SLC6A6: variants seen among roughly 807,000 people sequenced by gnomAD.
The protein encoded by SLC6A6 is solute carrier family 6 member 6.
Under a neutral mutation model 68.8 loss-of-function variants are expected in SLC6A6, and 16 were observed. The observed-to-expected ratio is 0.23, with a 90% CI of 0.16 to 0.35. The LOEUF (loss-of-function observed/expected upper bound fraction) is 0.35, where lower values mean the gene tolerates loss of function less well. Among genes scored for constraint, SLC6A6 ranks in the 10% least tolerant of loss-of-function variants. The pLI is 1.00. For synonymous variants in SLC6A6, 312 were observed against 315.4 expected (o/e 0.99, Z 0.12); for missense variants, 474 against 802.8 (o/e 0.59, Z 4.95).
intron 9 of SLC6A6, among the ~76,000 whole-genome samples, chr3:14,470,433 G>A (rs1187813762): frequency 1.3e-5 from 2 of 152,200 alleles, no homozygotes; most frequent in Non-Finnish European, 2.9e-5. Flanking sequence ...GCATCCAGAG[G>A]TTCTCGGAGT....
chr3:14,436,095 A>G (rs1295352162), intron 2 of SLC6A6, among the ~76,000 whole-genome samples: 2 of 152,254 alleles, frequency 1.3e-5, no homozygotes, highest in Admixed American at 6.5e-5. Context: ...TTAAAGGTGT[A>G]CTTTTAAAAT....
chr3:14,477,082 C>A lies in SLC6A6; in HGVS notation c.1210-123C>A. On this transcript the variant is annotated intron_variant, in intron 10 of 14. Coordinates refer to ENST00000622186, the MANE Select transcript of SLC6A6 (RefSeq NM_003043.6). This position sits in a 1 kb window ranked among gnomAD's most constrained non-coding sequence, Gnocchi z 4.2. ...TTGGACTTGATCTCACAGGCCAATTCTGGACACAAGGATGGTCACGTCTGC... is the reference window on the plus strand; with the variant it reads ...TTGGACTTGATCTCACAGGCCAATTATGGACACAAGGATGGTCACGTCTGC... The A allele has an allele frequency of 1.1e-6, 1 of 916,336 alleles. No homozygotes were observed. Among genetic ancestry groups the A allele is most frequent in the Non-Finnish European group, 1.7e-6 (1 of 589,492 alleles). 56.8% of individuals were successfully genotyped at this position (916,336 alleles called of 1,614,324 possible). A position where few individuals can be genotyped will look rare whatever the true frequency, so the allele number is the denominator to read the frequency against.
intron 9 of SLC6A6, among the ~76,000 whole-genome samples, chr3:14,471,286 G>A (rs143168322): frequency 2.0e-5 from 3 of 152,150 alleles, no homozygotes; most frequent in African/African-American, 7.2e-5. Context: ...CTCTGTCTCC[G>A]GAATGTCTCC....
At chr3:14,409,360 C>A (rs533469300) in intron 1 of SLC6A6, among the ~76,000 whole-genome samples, 2 of 152,230 alleles carry the variant, frequency 1.3e-5, no homozygotes, top group African/African-American at 4.8e-5. Context: ...GCCGGCTGAG[C>A]CGATTCAGCA....
chr3:14,441,438 C>G (rs924595347), intron 2 of SLC6A6, among the ~76,000 whole-genome samples: 1 of 152,134 alleles, frequency 6.6e-6, no homozygotes. Flanking sequence ...CGCCCGGCCC[C>G]GAGGGAGCAG....
At chr3:14,482,455 G>A (rs1313776756) in intron 14 of SLC6A6, among the ~76,000 whole-genome samples, 10 of 152,352 alleles carry the variant, frequency 6.6e-5, no homozygotes, top group Non-Finnish European at 5.9e-5. Flanking sequence ...GGAGATCCCA[G>A]GCCCTGGCAA....
chr3:14,433,454 A>G (rs893085), intron 2 of SLC6A6, among the ~76,000 whole-genome samples: 40,107 of 151,980 alleles, frequency 0.26, 5,408 homozygotes, highest in Admixed American at 0.31. Flanking sequence ...TTCTCAGCTC[A>G]TGGTGAGGAA....
chr3:14,452,419 C>A (rs1021948033), intron 5 of SLC6A6, among the ~76,000 whole-genome samples: 1 of 152,200 alleles, frequency 6.6e-6, no homozygotes, highest in Non-Finnish European at 1.5e-5. Flanking sequence ...AGTGCCCTGC[C>A]CGAGGTCACG....
chr3:14,425,500 T>C (rs1699575106), intron 2 of SLC6A6, among the ~76,000 whole-genome samples: 1 of 152,076 alleles, frequency 6.6e-6, no homozygotes, highest in African/African-American at 2.4e-5. Flanking sequence ...AATAAATAGA[T>C]GAGTCAATTA....
intron 2 of SLC6A6, among the ~76,000 whole-genome samples, chr3:14,428,628 G>C (rs1439259534): frequency 3.3e-5 from 5 of 152,194 alleles, no homozygotes; most frequent in African/African-American, 1.2e-4. Flanking sequence ...TTTGCTGAGA[G>C]AGGGGCCCTG....
intron 2 of SLC6A6, among the ~76,000 whole-genome samples, chr3:14,439,918 G>T (rs573508759): frequency 2.0e-5 from 3 of 152,198 alleles, no homozygotes; most frequent in Non-Finnish European, 4.4e-5. Flanking sequence ...CACGGTCACT[G>T]TTACTCCCAG....
Position 14,427,646 on chromosome 3 carries a change from G to A in SLC6A6, c.-12+11193G>A, listed in dbSNP as rs1429086830. On this transcript the variant is annotated intron_variant, in intron 2 of 14. Coordinates refer to ENST00000622186, the MANE Select transcript of SLC6A6 (RefSeq NM_003043.6). ...TGAGGGGTCCCAGTGTCTGACTTCT[G>A]CAGTTGCAGCCATCCTGGGGGCCAC... is the stretch of plus-strand genomic sequence containing the variant. Among the ~76,000 whole-genome samples, 3 of 152,256 alleles carry A rather than the reference G, an allele frequency of 2.0e-5. No individual in the cohort carries two copies. In the South Asian group the frequency reaches 6.2e-4, roughly 32 times the overall value.
chr3:14,426,559 C>T (rs944339975), intron 2 of SLC6A6, among the ~76,000 whole-genome samples: 2 of 152,174 alleles, frequency 1.3e-5, no homozygotes, highest in African/African-American at 4.8e-5. Context: ...GAAAAGTAAG[C>T]AGCTGTAATC....
intron 1 of SLC6A6, chr3:14,410,908 G>A (rs1444362330): frequency 6.6e-6 from 1 of 152,324 alleles, no homozygotes; most frequent in Admixed American, 6.5e-5. Context: ...GTGCCGGAAG[G>A]GGGAGGTCCT....
intron 1 of SLC6A6, among the ~76,000 whole-genome samples, chr3:14,412,812 C>T (rs1699279622): frequency 6.6e-6 from 1 of 152,232 alleles, no homozygotes; most frequent in Non-Finnish European, 1.5e-5. Context: ...TCGTCAACTC[C>T]TCTTCTTAAT....
At chr3:14,430,870 T>G (rs1699709677) in intron 2 of SLC6A6, among the ~76,000 whole-genome samples, 1 of 152,186 alleles carries the variant, frequency 6.6e-6, no homozygotes, top group Non-Finnish European at 1.5e-5. Flanking sequence ...GGCTAGAGAC[T>G]GTAGCTTTGT....
chr3:14,477,447 C>T lies in SLC6A6; in HGVS notation c.1347+105C>T. ...TGAGAGGGCCAGGTAGGGGCTTCAT[C>T]TCCCAGCCCCACCCAATTCAGGGGT... On this transcript the variant is annotated intron_variant, in intron 11 of 14. Transcript: ENST00000622186. This position sits in a 1 kb window ranked among gnomAD's most constrained non-coding sequence, Gnocchi z 4.2. 1 of 1,154,084 alleles carries T rather than the reference C, an allele frequency of 8.7e-7. No individual in the cohort carries two copies. The highest frequency in any genetic ancestry group is 1.3e-6 in the Non-Finnish European group (1 of 789,810). The allele number at this position is 1,154,084 out of a possible 1,614,324, so 71.5% of individuals were successfully genotyped here.
At chr3:14,475,312 G>A (rs552340891) in intron 10 of SLC6A6, among the ~76,000 whole-genome samples, 12 of 150,374 alleles carry the variant, frequency 8.0e-5, no homozygotes, top group African/African-American at 2.2e-4. Flanking sequence ...AATTACAGAC[G>A]TGAACCACTG....
At chr3:14,416,314 C>T in intron 1 of SLC6A6, 98 bp from the exon 2 acceptor site, 1 of 398,106 alleles carries the variant, frequency 2.5e-6, no homozygotes, top group Non-Finnish European at 4.4e-6. Context: ...GCACACACGT[C>T]TGGTGGTTAC....
Sources: allele counts gnomAD v4.1 joint callset (sites outside exome capture counted in the v4.1 genomes callset), GRCh38; gene constraint gnomAD v4.1.1; non-coding constraint Gnocchi (gnomAD v3.1); transcripts MANE v1.5; gene names NCBI Gene and HGNC (gene_info 2026-07-23, HGNC 2026-07-21).